Variants in MYO9B observed in about 807,000 individuals in gnomAD.
The protein encoded by MYO9B is myosin IXB.
A neutral mutation model predicts 229.5 loss-of-function variants in MYO9B; 71 were observed. That is an observed-to-expected ratio of 0.31 (90% CI 0.26 to 0.38). MYO9B has a LOEUF of 0.38. Among genes scored for constraint, MYO9B ranks in the 10% least tolerant of loss-of-function variants. The probability of loss-of-function intolerance (pLI) is 1.00; values close to 1 mark genes in which losing one functional copy is unlikely to be tolerated. For synonymous variants in MYO9B, 1,185 were observed against 1,235.8 expected (o/e 0.96, Z 0.86); for missense variants, 2,255 against 2,920.5 (o/e 0.77, Z 5.25).
rs1064304 is a variant in MYO9B at position 17,200,353 on chromosome 19, C to T, written c.4299C>T (p.Gly1433=). 38 of 1,611,032 alleles carry T rather than the reference C, an allele frequency of 2.4e-5. No homozygotes were observed. The highest frequency in any genetic ancestry group is 6.7e-5 in the Admixed American group (4 of 59,432). The part of the protein sequence containing the change: ...KTKDKKYSLE[G]AEELENAVSG... ...AGGATAAAAAATACAGCCTGGAGGG[C>T]GCAGAGGAGCTGGAGAATGCAGTGT... The change falls in exon 25 of 40, where the codon GGC becomes GGT. Residue 1433 remains glycine, a synonymous_variant. Coordinates refer to ENST00000682292, the MANE Select transcript of MYO9B (RefSeq NM_004145.4).
At chr19:17,110,293 CT>C (rs1182550980) in intron 2 of MYO9B, among the ~76,000 whole-genome samples, 1 of 152,240 alleles carries the variant, frequency 6.6e-6, no homozygotes, top group East Asian at 1.9e-4. Flanking sequence ...CTGCAGTTAA[CT>C]GTTGCCATCA....
intron 2 of MYO9B, among the ~76,000 whole-genome samples, chr19:17,124,702 G>A (rs781505000): frequency 2.7e-4 from 41 of 149,950 alleles, no homozygotes; most frequent in Non-Finnish European, 2.7e-4. Context: ...AGAGGTTGCA[G>A]TGAGCCGAGA....
At chr19:17,163,207 A>T in intron 10 of MYO9B, 85 bp downstream of exon 10, 1 of 1,428,012 alleles carries the variant, frequency 7.0e-7, no homozygotes, top group Non-Finnish European at 9.5e-7. Flanking sequence ...ATTTGTAAAT[A>T]TTCAGTTCAG....
intron 1 of MYO9B, among the ~76,000 whole-genome samples, chr19:17,092,471 A>C (rs1394266817): frequency 6.6e-6 from 1 of 152,146 alleles, no homozygotes; most frequent in African/African-American, 2.4e-5. Flanking sequence ...ATGAGTGTTC[A>C]TATGGAAGTA....
At chr19:17,108,125 C>T (rs1229101634) in intron 2 of MYO9B, among the ~76,000 whole-genome samples, 2 of 152,184 alleles carry the variant, frequency 1.3e-5, no homozygotes, top group Non-Finnish European at 1.5e-5. Context: ...TCCAGTATGC[C>T]TTCAACAGCC....
At chr19:17,110,629 C>T (rs536593335) in intron 2 of MYO9B, among the ~76,000 whole-genome samples, 2 of 152,322 alleles carry the variant, frequency 1.3e-5, no homozygotes, top group African/African-American at 4.8e-5. Context: ...GGTTTTCATT[C>T]TGAAAGCAGA....
chr19:17,207,571 C>G (rs2073176625), intron 35 of MYO9B: 1 of 153,034 alleles, frequency 6.5e-6, no homozygotes, highest in Non-Finnish European at 1.5e-5. Context: ...AAATTTTTGT[C>G]TCTACAAAAA....
chr19:17,195,514 G>A lies in MYO9B; in HGVS notation c.4046+41G>A, dbSNP rs773565734. On this transcript the variant is annotated intron_variant, in intron 22 of 39. Coordinates refer to ENST00000682292, the MANE Select transcript of MYO9B (RefSeq NM_004145.4). The surrounding 1 kb of genome is among the most constrained non-coding windows in gnomAD (Gnocchi z 4.5). ...TCTTTTGTCTGAGCACCAGGGTCCA[G>A]GCCAGGTGGGCAAGGCCAGGGGCAG... 14 of 1,547,080 alleles carry A rather than the reference G, an allele frequency of 9.0e-6. No individual in the cohort carries two copies. The highest frequency in any genetic ancestry group is 7.8e-6 in the Non-Finnish European group (9 of 1,153,236).
intron 2 of MYO9B, among the ~76,000 whole-genome samples, chr19:17,123,353 C>T (rs1331613394): frequency 6.6e-6 from 1 of 151,832 alleles, no homozygotes; most frequent in African/African-American, 2.4e-5. Flanking sequence ...CCTCACTTTG[C>T]AATAAAGGTA....
At chr19:17,152,844 G>A (rs2072493931) in intron 4 of MYO9B, 138 bp downstream of exon 4, 1 of 704,114 alleles carries the variant, frequency 1.4e-6, no homozygotes, top group Non-Finnish European at 2.4e-6. Context: ...CAGGAGCAGG[G>A]CCTGCCCATC....
intron 2 of MYO9B, among the ~76,000 whole-genome samples, chr19:17,114,251 G>T (rs2057877643): frequency 6.6e-6 from 1 of 152,178 alleles, no homozygotes. Context: ...GTAACATTGT[G>T]CCATTGGAGT....
At chr19:17,170,335 A>T (rs113203347) in intron 11 of MYO9B, among the ~76,000 whole-genome samples, 168 of 152,230 alleles carry the variant, frequency 1.1e-3, no homozygotes, top group African/African-American at 3.9e-3. Flanking sequence ...TGGGGTTAAG[A>T]TATGGACATA....
At position 17,101,699 on chromosome 19, in the gene MYO9B, A is replaced by T; in HGVS notation, c.-19A>T. On this transcript the variant is annotated 5_prime_UTR_variant, in exon 2 of 40. It introduces an in-frame stop codon into an upstream open reading frame of the 5' UTR. Coordinates refer to ENST00000682292, the MANE Select transcript of MYO9B (RefSeq NM_004145.4). This position sits in a 1 kb window ranked among gnomAD's most constrained non-coding sequence, Gnocchi z 4.7. ...CGCCCCGAGCCTGGGAGGCATGCTG[A>T]AGCCAGGCGGCCGGCAGGATGAGTG... 6.5e-7 allele frequency: 1 copy of T among 1,545,828 alleles called. No homozygotes were observed. The highest frequency in any genetic ancestry group is 8.7e-7 in the Non-Finnish European group (1 of 1,150,992).
rs2072250430 is a variant in MYO9B at position 17,134,909 on chromosome 19, A to G, written c.841-10488A>G. Among the ~76,000 whole-genome samples, 4 of 152,092 alleles carry G rather than the reference A, an allele frequency of 2.6e-5. No individual in the cohort carries two copies. In the South Asian group the frequency reaches 6.2e-4, roughly 24 times the overall value. On this transcript the variant is annotated intron_variant, in intron 2 of 39. Coordinates refer to ENST00000682292, the MANE Select transcript of MYO9B (RefSeq NM_004145.4). Reference sequence around the variant, plus strand: ...CTCCCAGGTAGTTGGGATTACAGGCATGCACCACCACACCCGGCTAATTTT... The same window carrying G: ...CTCCCAGGTAGTTGGGATTACAGGCGTGCACCACCACACCCGGCTAATTTT...
intron 1 of MYO9B, among the ~76,000 whole-genome samples, chr19:17,087,544 C>G (rs2057594970): frequency 6.6e-6 from 1 of 152,220 alleles, no homozygotes; most frequent in Admixed American, 6.5e-5. Flanking sequence ...GTGTTCCACT[C>G]AAGGTGTTCT....
In MYO9B at chr19:17,115,342, C is replaced by A. The variant is rs144325064; in HGVS notation, c.840+12785C>A. 1.6e-3 allele frequency among the ~76,000 whole-genome samples: 237 copies of A among 152,212 alleles called. 3 individuals carry two copies. Among genetic ancestry groups the A allele is most frequent in the African/African-American group, 5.4e-3 (226 of 41,532 alleles). ...TAATTGCACCCGAGACACTGCATGGCCCACAAAGCTGAAAATATTTACTAC... is the reference window on the plus strand; with the variant it reads ...TAATTGCACCCGAGACACTGCATGGACCACAAAGCTGAAAATATTTACTAC... On this transcript the variant is annotated intron_variant, in intron 2 of 39. Transcript: ENST00000682292.
chr19:17,178,818 G>C (rs1599397033), intron 14 of MYO9B, among the ~76,000 whole-genome samples: 1 of 152,144 alleles, frequency 6.6e-6, no homozygotes, highest in East Asian at 1.9e-4. Context: ...CAGGTCACTT[G>C]AGGATGGGAA....
At chr19:17,160,298 C>T (rs2072584046) in intron 8 of MYO9B, among the ~76,000 whole-genome samples, 1 of 152,062 alleles carries the variant, frequency 6.6e-6, no homozygotes, top group Non-Finnish European at 1.5e-5. Context: ...GCACTGGTGT[C>T]CCCAGAGGCT....
intron 2 of MYO9B, among the ~76,000 whole-genome samples, chr19:17,133,909 C>T (rs1343667420): frequency 1.3e-5 from 2 of 152,118 alleles, no homozygotes; most frequent in Non-Finnish European, 2.9e-5. Flanking sequence ...TATAGGCACC[C>T]GCCACCACGC....
Sources: allele counts gnomAD v4.1 joint callset (sites outside exome capture counted in the v4.1 genomes callset), GRCh38; gene constraint gnomAD v4.1.1; non-coding constraint Gnocchi (gnomAD v3.1); transcripts MANE v1.5; gene names NCBI Gene and HGNC (gene_info 2026-07-23, HGNC 2026-07-21).